The following SORBS2 variants were observed in gnomAD, a reference collection of about 807,000 sequenced individuals.
SORBS2 encodes the protein sorbin and SH3 domain containing 2.
SORBS2 carries 46 observed loss-of-function variants against 97.7 expected under a neutral mutation model. The ratio of observed to expected loss-of-function variants is 0.47; its 90% CI spans 0.37 to 0.60. The LOEUF is 0.60. Among genes scored for constraint, SORBS2 ranks in the 20% least tolerant of loss-of-function variants. SORBS2 has a pLI of 0.00. For missense variants in SORBS2, 1,316 were observed against 1,282.3 expected (o/e 1.03, Z -0.40); for synonymous variants, 476 against 473.4 (o/e 1.01, Z -0.07).
At chr4:185,858,103 A>G (rs1459683234) in intron 1 of SORBS2, among the ~76,000 whole-genome samples, 1 of 152,208 alleles carries the variant, frequency 6.6e-6, no homozygotes, top group African/African-American at 2.4e-5. Flanking sequence ...CGGTCCTATC[A>G]ATATGCGATG....
At chr4:185,846,693 G>A (rs1243176927) in intron 1 of SORBS2, among the ~76,000 whole-genome samples, 1 of 152,190 alleles carries the variant, frequency 6.6e-6, no homozygotes, top group Non-Finnish European at 1.5e-5. Context: ...TATTCAATGA[G>A]GTAGAAAGCA....
At chr4:185,830,243 G>T (rs1413776417) in intron 1 of SORBS2, among the ~76,000 whole-genome samples, 2 of 152,102 alleles carry the variant, frequency 1.3e-5, no homozygotes, top group South Asian at 2.1e-4. Flanking sequence ...TGCACATTCT[G>T]GTTGGCCCTC....
chr4:185,606,018 AC>A lies in SORBS2; in HGVS notation c.2796+5761del. ...ATGTGAAGTCAACACAAAGAGAACGACCTCTTTAGAAAATCGAAAGGGGACA... is the reference window on the plus strand; with the variant it reads ...ATGTGAAGTCAACACAAAGAGAACGACTCTTTAGAAAATCGAAAGGGGACA... On this transcript the variant is annotated intron_variant, in intron 12 of 14. Transcript: ENST00000418609. The surrounding 1 kb of genome is among the most constrained non-coding windows in gnomAD (Gnocchi z 4.3). The A allele has an allele frequency of 1.2e-6, 1 of 818,888 alleles. No individual in the cohort carries two copies. The highest frequency in any genetic ancestry group is 1.5e-6 in the Non-Finnish European group (1 of 678,386). The allele number at this position is 818,888 out of a possible 1,614,324, so 50.7% of individuals were successfully genotyped here.
intron 1 of SORBS2, among the ~76,000 whole-genome samples, chr4:185,868,477 G>A (rs1462928088): frequency 6.6e-6 from 1 of 151,982 alleles, no homozygotes; most frequent in Non-Finnish European, 1.5e-5. Context: ...CTTTCTAAAA[G>A]ACACCCCAGC....
chr4:185,662,583 A>G (rs1314244887), intron 4 of SORBS2, among the ~76,000 whole-genome samples: 1 of 152,206 alleles, frequency 6.6e-6, no homozygotes, highest in Non-Finnish European at 1.5e-5. Context: ...TTGCTCTGAC[A>G]GTCGTAACAT....
At chr4:185,946,798 C>A (rs1216491454) in intron 1 of SORBS2, among the ~76,000 whole-genome samples, 1 of 152,164 alleles carries the variant, frequency 6.6e-6, no homozygotes, top group Non-Finnish European at 1.5e-5. Flanking sequence ...GACAATAAAA[C>A]CTTCGGTTGG....
At chr4:185,649,961 C>A (rs1489713268) in intron 2 of SORBS2, among the ~76,000 whole-genome samples, 1 of 152,150 alleles carries the variant, frequency 6.6e-6, no homozygotes. Context: ...TATAAGCACT[C>A]AGCAAATTTT....
chr4:185,799,572 A>G (rs905402750), intron 1 of SORBS2, among the ~76,000 whole-genome samples: 2 of 152,202 alleles, frequency 1.3e-5, no homozygotes, highest in Non-Finnish European at 2.9e-5. Flanking sequence ...TGGCAGAAGC[A>G]GCCGCCCATC....
rs2099153884 is a variant in SORBS2 at position 185,806,434 on chromosome 4, C to CTGTTT, written c.-337-31069_-337-31068insAAACA. Reference sequence around the variant, plus strand: ...AGTGGCACAGCTCTTGGCTAGAATCCTATTTTTTTTTTTTTTTTTTTTTTT... The same window carrying CTGTTT: ...AGTGGCACAGCTCTTGGCTAGAATCCTGTTTTATTTTTTTTTTTTTTTTTTTTTTT... On this transcript the variant is annotated intron_variant, in intron 1 of 20. Transcript: ENST00000284776. 7.3e-4 allele frequency among the ~76,000 whole-genome samples: 79 copies of CTGTTT among 108,110 alleles called. 35 individuals are homozygous for CTGTTT. The highest frequency in any genetic ancestry group is 2.1e-3 in the African/African-American group (58 of 27,232). The allele number at this position is 108,110 out of a possible 152,430, so 70.9% of individuals were successfully genotyped here.
intron 2 of SORBS2, among the ~76,000 whole-genome samples, chr4:185,701,719 C>G (rs141896503): frequency 6.6e-6 from 1 of 151,682 alleles, no homozygotes; most frequent in African/African-American, 2.4e-5. Flanking sequence ...AAATGTCACT[C>G]ATATTGGGAG....
rs1163409722 is a variant in SORBS2 at position 185,665,935 on chromosome 4, T to C, written c.-45-3693A>G. ...GTCTGTTGTCAGAGAGCCTGTGTCG[T>C]GGCTGTGGATGAGGCTTTCTGGAGC... is the stretch of plus-strand genomic sequence containing the variant. On this transcript the variant is annotated intron_variant, in intron 4 of 20. Transcript: ENST00000284776. 6.5e-6 allele frequency: 8 copies of C among 1,224,566 alleles called. No homozygotes were observed. In the Admixed American group the frequency reaches 1.6e-4, roughly 25 times the overall value. The allele number at this position is 1,224,566 out of a possible 1,614,324, so 75.9% of individuals were successfully genotyped here.
chr4:185,633,435 A>G (rs1156333667), intron 4 of SORBS2, among the ~76,000 whole-genome samples: 2 of 151,848 alleles, frequency 1.3e-5, no homozygotes, highest in Admixed American at 1.3e-4. Context: ...TAACTGGCAA[A>G]TAGATCAACT....
chr4:185,817,984 A>G (rs889733204), intron 1 of SORBS2, among the ~76,000 whole-genome samples: 1 of 152,096 alleles, frequency 6.6e-6, no homozygotes, highest in African/African-American at 2.4e-5. Context: ...CGGTCCAACA[A>G]CAAGTGGAAA....
chr4:185,683,080 A>G (rs28478140), intron 2 of SORBS2, among the ~76,000 whole-genome samples: 15,131 of 151,878 alleles, frequency 0.1, 832 homozygotes, highest in Middle Eastern at 0.14. Flanking sequence ...TAATTGACAC[A>G]AAAGAGGGCT....
chr4:185,875,142 C>A (rs1050890758), intron 1 of SORBS2, among the ~76,000 whole-genome samples: 8 of 151,908 alleles, frequency 5.3e-5, no homozygotes, highest in African/African-American at 1.9e-4. Flanking sequence ...AAAAATAAGG[C>A]AAGAACAAAT....
Position 185,638,958 on chromosome 4 carries a change from T to C in SORBS2, c.396+7710A>G, listed in dbSNP as rs543505342. 3.2e-5 allele frequency: 49 copies of C among 1,522,942 alleles called. No homozygotes were observed. In the Admixed American group the frequency reaches 8.7e-4, roughly 27 times the overall value. The allele number at this position is 1,522,942 out of a possible 1,614,324, so 94.3% of individuals were successfully genotyped here. On this transcript the variant is annotated intron_variant, in intron 4 of 14. Transcript: ENST00000418609. ...GCGGAGGGGAGGGGCTACCAGTGAC[T>C]TCTCCGAGTCGGGAGCTAGAAAGAG... is the stretch of plus-strand genomic sequence containing the variant.
chr4:185,774,718 C>T (rs1267133411), intron 2 of SORBS2: 26 of 152,170 alleles, frequency 1.7e-4, no homozygotes, highest in Admixed American at 1.6e-3. Flanking sequence ...CCCCAGATTC[C>T]CCCAAATCAA....
chr4:185,660,560 A>G (rs2153473376), upstream of SORBS2, among the ~76,000 whole-genome samples: 1 of 152,364 alleles, frequency 6.6e-6, no homozygotes, highest in African/African-American at 2.4e-5. Flanking sequence ...GGCTACCTTT[A>G]AAGTTTTATA....
intron 4 of SORBS2, among the ~76,000 whole-genome samples, chr4:185,666,878 G>A (rs751981707): frequency 6.6e-6 from 1 of 152,104 alleles, no homozygotes; most frequent in South Asian, 2.1e-4. Flanking sequence ...TTAGAACTAT[G>A]GTTGGCACTA....
Sources: gnomAD v4.1 joint callset for allele counts (sites outside exome capture counted in the v4.1 genomes callset) on GRCh38, gnomAD v4.1.1 for gene constraint, Gnocchi (gnomAD v3.1) non-coding constraint, MANE v1.5 for transcripts, NCBI Gene and HGNC (gene_info 2026-07-23, HGNC 2026-07-21) for gene names.